Variants in FRMPD4 observed in about 807,000 individuals in gnomAD.
The protein encoded by FRMPD4 is FERM and PDZ domain-containing protein 4.
FRMPD4 carries 22 observed loss-of-function variants against 94.1 expected under a neutral mutation model. The ratio of observed to expected loss-of-function variants is 0.23; its 90% confidence interval spans 0.17 to 0.33. The LOEUF is 0.33. Among genes scored for constraint, FRMPD4 ranks in the 10% least tolerant of loss-of-function variants. The pLI is 1.00. For synonymous variants in FRMPD4, 631 were observed against 548.6 expected, an observed-to-expected ratio of 1.15 and a Z score of -2.10; for missense variants, 1,111 against 1,339.9, an observed-to-expected ratio of 0.83 and a Z score of 2.67.
chrX:12,444,328 G>A (rs1159479585), intron 1 of FRMPD4, among the ~76,000 whole-genome samples: 1 of 111,930 alleles, frequency 8.9e-6, no homozygotes, highest in Non-Finnish European at 1.9e-5. Flanking sequence ...GTGGATGTGT[G>A]TTTATGTTGA....
intron 1 of FRMPD4, among the ~76,000 whole-genome samples, chrX:12,410,325 A>T (rs1307255542): frequency 9.0e-6 from 1 of 111,608 alleles, no homozygotes; most frequent in African/African-American, 3.3e-5. Flanking sequence ...CAATTTGCAT[A>T]AATCTTTTTG....
chrX:12,034,310 C>T (rs953570044), intron 3 of FRMPD4, among the ~76,000 whole-genome samples: 2 of 111,589 alleles, frequency 1.8e-5, no homozygotes, highest in Non-Finnish European at 3.8e-5. Context: ...CTGCAGTGGT[C>T]GGGATAGAGA....
rs142731866 is a variant in FRMPD4, at chrX:12,557,472, T to C, written c.159-52249T>C. On this transcript the variant is annotated intron_variant, in intron 2 of 16. Transcript: ENST00000675598. ...AAATCTCCCCAACAAAAGACAGTTT[T>C]TCAGCTATTCTTGTATTTCCAGCTT... Among the ~76,000 whole-genome samples, 817 of 112,583 alleles carry C rather than the reference T, an allele frequency of 7.3e-3. 3 individuals carry two copies. The highest frequency in any genetic ancestry group is 0.014 in the Middle Eastern group (3 of 214).
intron 1 of FRMPD4, among the ~76,000 whole-genome samples, chrX:12,310,313 A>C (rs2055011762): frequency 9.0e-6 from 1 of 110,852 alleles, no homozygotes; most frequent in Admixed American, 9.6e-5. Flanking sequence ...ACTTAAGGCA[A>C]GGACCGGCCA....
At chrX:12,524,071 C>T (rs894527763) in intron 2 of FRMPD4, among the ~76,000 whole-genome samples, 3 of 111,998 alleles carry the variant, frequency 2.7e-5, no homozygotes, top group African/African-American at 9.7e-5. Context: ...AGGAGGATTA[C>T]TTGAGCCCCA....
At chrX:11,967,770 T>TTTTGTTTTTTG (rs1569134479) in intron 3 of FRMPD4, among the ~76,000 whole-genome samples, 55 of 103,697 alleles carry the variant, frequency 5.3e-4, no homozygotes, top group African/African-American at 1.9e-3. Context: ...TTTTTTTTTT[T>TTTTGTTTTTTG]TTTTTTTTAA....
At chrX:12,455,595 C>T (rs968449321) in intron 1 of FRMPD4, among the ~76,000 whole-genome samples, 3 of 111,520 alleles carry the variant, frequency 2.7e-5, no homozygotes, top group African/African-American at 9.8e-5. Flanking sequence ...TGTTGAGAGT[C>T]CAGGTATATA....
chrX:12,339,863 C>T (rs140751465), intron 1 of FRMPD4, among the ~76,000 whole-genome samples: 74 of 112,193 alleles, frequency 6.6e-4, no homozygotes, highest in Middle Eastern at 4.6e-3. Flanking sequence ...GATCCGCCCA[C>T]CTCGGCCTCC....
chrX:12,576,266 C>T (rs2058811099), intron 2 of FRMPD4, among the ~76,000 whole-genome samples: 1 of 112,695 alleles, frequency 8.9e-6, no homozygotes, highest in East Asian at 2.8e-4. Context: ...AAGCCTTTGA[C>T]TTCAAGTTGG....
At position 12,655,805 on chromosome X, in the gene FRMPD4, G is replaced by A. The variant is rs745907640; in HGVS notation, c.423-19058G>A. Among the ~76,000 whole-genome samples, 5 of 111,847 alleles carry A rather than the reference G, an allele frequency of 4.5e-5. No homozygotes were observed. The South Asian group carries it at 1.1e-3, about 25-fold the overall frequency. On this transcript the variant is annotated intron_variant, in intron 4 of 16. Transcript: ENST00000675598. Reference sequence around the variant, plus strand: ...CAGCCCAAAATGAATGAGATGAAACGAATTACCCCTTTCCTTTCCCAAATC... The same window carrying A: ...CAGCCCAAAATGAATGAGATGAAACAAATTACCCCTTTCCTTTCCCAAATC...
intron 3 of FRMPD4, among the ~76,000 whole-genome samples, chrX:12,116,154 C>T (rs944515607): frequency 1.8e-5 from 2 of 111,860 alleles, no homozygotes; most frequent in African/African-American, 6.5e-5. Flanking sequence ...AGACGCTTCC[C>T]AGCCTGTTCC....
chrX:12,500,778 G>A (rs1371175935), intron 2 of FRMPD4, among the ~76,000 whole-genome samples: 1 of 111,690 alleles, frequency 9.0e-6, no homozygotes, highest in African/African-American at 3.3e-5. Context: ...AGTCCCTTAG[G>A]CTGCTAGGAA....
chrX:12,256,623 G>A (rs1017541755), intron 1 of FRMPD4, among the ~76,000 whole-genome samples: 21 of 111,925 alleles, frequency 1.9e-4, no homozygotes, highest in African/African-American at 6.8e-4. Context: ...TTGATTTACA[G>A]TTGGAACATC....
intron 3 of FRMPD4, among the ~76,000 whole-genome samples, chrX:12,048,294 T>A (rs190671574): frequency 6.0e-4 from 68 of 112,493 alleles, no homozygotes; most frequent in African/African-American, 2.1e-3. Flanking sequence ...GGCCACTTGT[T>A]TGTCTTTTTT....
At position 12,047,044 on chromosome X, in the gene FRMPD4, A is replaced by T. The variant is rs759068536; in HGVS notation, c.95+169026A>T. On this transcript the variant is annotated intron_variant, in intron 3 of 18. Coordinates refer to the FRMPD4 transcript ENST00000640291. Reference sequence around the variant, plus strand: ...AACTGTGAGTGAAAACCAATATATAACCATATATATGGTTATGTATAAATA... The same window carrying T: ...AACTGTGAGTGAAAACCAATATATATCCATATATATGGTTATGTATAAATA... Among the ~76,000 whole-genome samples the T allele has an allele frequency of 4.6e-3, 508 of 109,562 alleles. 4 individuals carry two copies. Among genetic ancestry groups the T allele is most frequent in the Middle Eastern group, 9.6e-3 (2 of 208 alleles).
intron 1 of FRMPD4, among the ~76,000 whole-genome samples, chrX:12,261,187 G>A (rs1278434324): frequency 1.8e-5 from 2 of 111,660 alleles, no homozygotes; most frequent in Non-Finnish European, 3.8e-5. Context: ...TTTGAGTCTG[G>A]ATATAATCAT....
chrX:11,989,949 C>A (rs2054455067), intron 3 of FRMPD4, among the ~76,000 whole-genome samples: 1 of 111,474 alleles, frequency 9.0e-6, no homozygotes. Context: ...CCCGTGATTC[C>A]ACTCCTAGGT....
intron 1 of FRMPD4, among the ~76,000 whole-genome samples, chrX:11,839,405 C>T (rs2053520010): frequency 9.0e-6 from 1 of 111,051 alleles, no homozygotes; most frequent in East Asian, 2.8e-4. Context: ...TGGTGAAGTG[C>T]CTATTTAAGT....
chrX:12,583,871 A>T (rs2058894952), intron 2 of FRMPD4, among the ~76,000 whole-genome samples: 1 of 111,441 alleles, frequency 9.0e-6, no homozygotes, highest in Non-Finnish European at 1.9e-5. Context: ...TGGGGCCTGA[A>T]CCTCAGAAAG....
Sources: gnomAD v4.1 joint callset for allele counts (sites outside exome capture counted in the v4.1 genomes callset) on GRCh38, gnomAD v4.1.1 for gene constraint, MANE v1.5 for transcripts, NCBI Gene and HGNC (gene_info 2026-07-23, HGNC 2026-07-21) for gene names.